SCLT1: variants seen among roughly 807,000 people sequenced by gnomAD.
SCLT1 encodes sodium channel and clathrin linker 1, also known as sodium channel-associated protein 1.
A neutral mutation model predicts 112.8 loss-of-function variants in SCLT1; 78 were observed. That is an observed-to-expected ratio of 0.69 (90% CI 0.58 to 0.83). The LOEUF (loss-of-function observed/expected upper bound fraction) is 0.83, where lower values mean the gene tolerates loss of function less well. SCLT1 is among the 40% of genes least tolerant of loss of function. SCLT1 has a pLI of 0.00. For synonymous variants in SCLT1, 257 were observed against 254.7 expected, an observed-to-expected ratio of 1.01 and a Z score of -0.09; for missense variants, 747 against 770.4, an observed-to-expected ratio of 0.97 and a Z score of 0.36.
At chr4:129,012,618 T>C (rs1042357996) in intron 5 of SCLT1, among the ~76,000 whole-genome samples, 3 of 152,018 alleles carry the variant, frequency 2.0e-5, no homozygotes, top group African/African-American at 7.3e-5. Context: ...TTCAGTGTGG[T>C]GTTAAAGACT....
intron 18 of SCLT1, among the ~76,000 whole-genome samples, chr4:128,896,638 C>T (rs1733782302): frequency 6.6e-6 from 1 of 152,178 alleles, no homozygotes; most frequent in Admixed American, 6.5e-5. Flanking sequence ...CAAAGGAACG[C>T]AGCTCCTCAC....
intron 5 of SCLT1, among the ~76,000 whole-genome samples, chr4:129,004,767 A>G (rs1743844295): frequency 6.6e-6 from 1 of 151,772 alleles, no homozygotes; most frequent in African/African-American, 2.4e-5. Flanking sequence ...GTCAAAACAT[A>G]TTTATTGAAA....
intron 20 of SCLT1, among the ~76,000 whole-genome samples, chr4:128,885,988 ATG>A (rs1401964193): frequency 1.3e-5 from 2 of 151,682 alleles, no homozygotes; most frequent in African/African-American, 4.8e-5. Context: ...TATCCTTTAT[ATG>A]TGTTTAGGGC....
At chr4:129,022,014 C>G (rs1191213021) in intron 5 of SCLT1, among the ~76,000 whole-genome samples, 2 of 152,222 alleles carry the variant, frequency 1.3e-5, no homozygotes, top group Non-Finnish European at 2.9e-5. Context: ...GCGAACAGGT[C>G]TGGAGTGGAC....
At chr4:128,878,612 T>C (rs889413679) in intron 3 of SCLT1, among the ~76,000 whole-genome samples, 2 of 152,222 alleles carry the variant, frequency 1.3e-5, no homozygotes, top group Admixed American at 1.3e-4. Context: ...CTCCATACTT[T>C]AAAATATCAC....
chr4:129,023,759 G>A (rs987943139), intron 5 of SCLT1, among the ~76,000 whole-genome samples: 4 of 152,202 alleles, frequency 2.6e-5, no homozygotes, highest in Admixed American at 2.6e-4. Flanking sequence ...GGAAGCGCAA[G>A]GGGTCAGGGA....
chr4:129,033,501 G>GAAAAAAAAAA (rs1746919195), intron 5 of SCLT1, among the ~76,000 whole-genome samples: 1 of 6,172 alleles, frequency 1.6e-4, no homozygotes, highest in Non-Finnish European at 3.9e-4. Flanking sequence ...AGAACTTAAA[G>GAAAAAAAAAA]TAAAAAAAAA....
At chr4:128,929,104 T>C (rs1036667718) in intron 18 of SCLT1, among the ~76,000 whole-genome samples, 1 of 152,208 alleles carries the variant, frequency 6.6e-6, no homozygotes, top group Non-Finnish European at 1.5e-5. Context: ...AACTGTTCTA[T>C]TGATAGATGA....
At chr4:129,092,020 TGCCCAA>T (rs1752873718) in intron 1 of SCLT1, among the ~76,000 whole-genome samples, 1 of 152,234 alleles carries the variant, frequency 6.6e-6, no homozygotes, top group Non-Finnish European at 1.5e-5. Flanking sequence ...AGTCTCCCTG[TGCCCAA>T]CTTAGTTTAC....
chr4:129,075,550 A>G (rs1308146135), intron 2 of SCLT1, among the ~76,000 whole-genome samples: 1 of 152,168 alleles, frequency 6.6e-6, no homozygotes, highest in African/African-American at 2.4e-5. Context: ...CTTCAAGCAT[A>G]TATAACTATT....
intron 7 of SCLT1, among the ~76,000 whole-genome samples, chr4:128,998,269 AG>A (rs1743178499): frequency 6.6e-6 from 1 of 151,892 alleles, no homozygotes; most frequent in Non-Finnish European, 1.5e-5. Flanking sequence ...TAAATGCTAG[AG>A]AGACCTTGTC....
At chr4:128,985,396 CTT>C (rs1742002136) in intron 9 of SCLT1, among the ~76,000 whole-genome samples, 2 of 152,280 alleles carry the variant, frequency 1.3e-5, no homozygotes, top group African/African-American at 4.8e-5. Flanking sequence ...TTTTTGGCCT[CTT>C]TATTACACTC....
At chr4:129,001,257 A>G (rs1743455984) in intron 6 of SCLT1, among the ~76,000 whole-genome samples, 1 of 151,656 alleles carries the variant, frequency 6.6e-6, no homozygotes, top group South Asian at 2.1e-4. Flanking sequence ...GATCAGCATC[A>G]TCAGCAACAC....
intron 2 of SCLT1, among the ~76,000 whole-genome samples, chr4:129,062,987 C>T (rs988400335): frequency 6.6e-6 from 1 of 152,154 alleles, no homozygotes; most frequent in Non-Finnish European, 1.5e-5. Context: ...TTTTTTCTCT[C>T]TCCTCCTTCT....
intron 1 of SCLT1, among the ~76,000 whole-genome samples, chr4:129,092,461 A>G (rs1455716830): frequency 3.3e-5 from 5 of 152,196 alleles, no homozygotes; most frequent in African/African-American, 1.2e-4. Flanking sequence ...TTTAATAATA[A>G]TCGTGTAATA....
chr4:129,042,679 T>A (rs2125697604), intron 4 of SCLT1, among the ~76,000 whole-genome samples: 1 of 152,282 alleles, frequency 6.6e-6, no homozygotes, highest in South Asian at 2.1e-4. Flanking sequence ...AAGGTCCAGT[T>A]CTGTTGCCTA....
chr4:129,032,136 G>GAT (rs1294808419), intron 5 of SCLT1, among the ~76,000 whole-genome samples: 1 of 151,898 alleles, frequency 6.6e-6, no homozygotes, highest in East Asian at 1.9e-4. Flanking sequence ...TATCAAATCA[G>GAT]ATATATATAG....
chr4:129,075,911 G>A (rs747763414), intron 2 of SCLT1, among the ~76,000 whole-genome samples: 3 of 151,966 alleles, frequency 2.0e-5, no homozygotes, highest in Non-Finnish European at 1.5e-5. Context: ...CCTATACATT[G>A]TACAAGACAT....
intron 11 of SCLT1, 70 bp from the exon 12 acceptor site, chr4:128,959,847 C>T: frequency 8.7e-7 from 1 of 1,153,176 alleles, no homozygotes; most frequent in South Asian, 1.3e-5. Context: ...TACTGAGCAT[C>T]TACTACAGGA....
Sources: gnomAD v4.1 joint callset for allele counts (sites outside exome capture counted in the v4.1 genomes callset) on GRCh38, gnomAD v4.1.1 for gene constraint, MANE v1.5 for transcripts, NCBI Gene and HGNC (gene_info 2026-07-23, HGNC 2026-07-21) for gene names.